The following FCGRT variants were observed in gnomAD, a reference collection of about 807,000 sequenced individuals.
FCGRT encodes Fc gamma receptor and transporter.
In FCGRT, 13 loss-of-function variants were observed where a neutral mutation model predicts 35.7. The ratio of observed to expected loss-of-function variants is 0.36; its 90% CI spans 0.24 to 0.58. The LOEUF (loss-of-function observed/expected upper bound fraction) is 0.58, where lower values mean the gene tolerates loss of function less well. Among genes scored for constraint, FCGRT ranks in the 20% least tolerant of loss-of-function variants. The pLI is 0.77. For missense variants in FCGRT, 455 were observed against 474.9 expected, an observed-to-expected ratio of 0.96 and a Z score of 0.39; for synonymous variants, 233 against 216.5, an observed-to-expected ratio of 1.08 and a Z score of -0.67.
chr19:49,521,969 C>G (rs987873522), intron 4 of FCGRT, among the ~76,000 whole-genome samples: 1 of 151,992 alleles, frequency 6.6e-6, no homozygotes, highest in Non-Finnish European at 1.5e-5. Flanking sequence ...TGCACCCAAC[C>G]TTTTTTCATT....
At chr19:49,522,095 G>A (rs1354138742) in intron 4 of FCGRT, among the ~76,000 whole-genome samples, 2 of 149,502 alleles carry the variant, frequency 1.3e-5, no homozygotes, top group Admixed American at 6.6e-5. Flanking sequence ...TTTTTAGACG[G>A]AGTCTTGCTC....
Position 49,524,632 on chromosome 19 carries a change from G to T in FCGRT, c.727G>T (p.Gly243Cys). Residue 243 changes from glycine (G) to cysteine (C), a missense_variant, in exon 5 of 7, where the codon GGC becomes TGC. This residue lies in a region of FCGRT where 312 missense variants were observed against 296.1 expected (regional missense o/e 1.05). Transcript: ENST00000221466. Reference sequence around the variant, plus strand: ...GTTCCTGCGGAATGGGCTGGCCGCTGGCACCGGCCAGGGTGACTTCGGCCC... The same window carrying T: ...GTTCCTGCGGAATGGGCTGGCCGCTTGCACCGGCCAGGGTGACTTCGGCCC... ...LRFLRNGLAA[G>C]TGQGDFGPNS... is the part of the protein sequence containing the mutation. 6.2e-7 allele frequency: 1 copy of T among 1,609,582 alleles called. No individual in the cohort carries two copies.
intron 2 of FCGRT, 109 bp from the exon 3 acceptor site, chr19:49,513,771 GAA>G: frequency 2.6e-6 from 1 of 381,548 alleles, no homozygotes; most frequent in African/African-American, 3.1e-5. Context: ...CCCTCTCTCT[GAA>G]TCTGTCCCCC....
chr19:49,526,249 C>T lies in FCGRT; in HGVS notation c.*130C>T. ...GCCTAGTTGTCCTCCCTCTGGAGCC[C>T]CGTCCTGTGGTCTGCCTCAGTTTCC... On this transcript the variant is annotated 3_prime_UTR_variant, in exon 7 of 7. Coordinates refer to ENST00000221466, the MANE Select transcript of FCGRT (RefSeq NM_001136019.3). 1 of 656,852 alleles carries T rather than the reference C, an allele frequency of 1.5e-6. No homozygotes were observed. The highest frequency in any genetic ancestry group is 2.7e-6 in the Non-Finnish European group (1 of 369,536). The allele number at this position is 656,852 out of a possible 1,614,324, so 40.7% of individuals were successfully genotyped here.
Position 49,524,773 on chromosome 19 carries a change from C to A in FCGRT, c.868C>A (p.Leu290Met). ...AGLAQPLRVE[L>M]ESPAKSSVLV... The stretch of plus-strand genomic sequence containing the variant: ...GCTGGCGCAGCCCCTCAGGGTGGAG[C>A]TGGGTGAGGTCCCGCCAGGTGGTGA... The change falls in exon 5 of 7, where the codon CTG becomes ATG. Residue 290 changes from leucine (L) to methionine (M), a missense_variant. Physicochemically the swap from Leu to Met is conservative, Grantham distance 15 (BLOSUM62 2). Transcript: ENST00000221466. 6.3e-7 allele frequency: 1 copy of A among 1,599,592 alleles called. No individual in the cohort carries two copies. The highest frequency in any genetic ancestry group is 8.5e-7 in the Non-Finnish European group (1 of 1,179,452).
At chr19:49,515,566 C>T (rs546244827) in intron 4 of FCGRT, among the ~76,000 whole-genome samples, 1 of 152,226 alleles carries the variant, frequency 6.6e-6, no homozygotes, top group Admixed American at 6.5e-5. Flanking sequence ...CAGGAGTGAG[C>T]TACCGCGTCT....
rs1258724816 is a variant in FCGRT, at chr19:49,525,297, G to T, written c.872-160G>T. The T allele has an allele frequency of 6.0e-6, 4 of 671,016 alleles. No homozygotes were observed. The East Asian group carries it at 1.1e-4, about 18-fold the overall frequency. 41.6% of individuals were successfully genotyped at this position (671,016 alleles called of 1,614,324 possible). A position where few individuals can be genotyped will look rare whatever the true frequency, so the allele number is the denominator to read the frequency against. ...GCTGGTTCTTACGTCCAACCTGGGG[G>T]CAGTCTGCCCAGATCGCCTGCCTGG... On this transcript the variant is annotated intron_variant, in intron 5 of 6. Transcript: ENST00000221466.
intron 1 of FCGRT, 100 bp from the exon 2 acceptor site, chr19:49,513,287 G>A (rs974747483): frequency 4.4e-6 from 2 of 458,940 alleles, no homozygotes; most frequent in Non-Finnish European, 7.3e-6. Flanking sequence ...AGCCCGCAGA[G>A]CCCCTCCTCG....
Position 49,526,107 on chromosome 19 carries a change from A to AGCCACCGCC in FCGRT, c.1087_1095dup (p.Ala363_Ala365dup). ...ATTTGAAGGATGTAAATGTGATTCCAGCCACCGCCTGACCATCCGCCATTC... is the reference window on the plus strand; with the variant it reads ...ATTTGAAGGATGTAAATGTGATTCCAGCCACCGCCGCCACCGCCTGACCATCCGCCATTC... On this transcript the variant is annotated inframe_insertion, in exon 7 of 7. Coordinates refer to ENST00000221466, the MANE Select transcript of FCGRT (RefSeq NM_001136019.3). 6.2e-7 allele frequency: 1 copy of AGCCACCGCC among 1,610,662 alleles called. No individual in the cohort carries two copies. Among genetic ancestry groups the AGCCACCGCC allele is most frequent in the Non-Finnish European group, 8.5e-7 (1 of 1,177,078 alleles).
intron 4 of FCGRT, among the ~76,000 whole-genome samples, chr19:49,517,264 G>T (rs1173034256): frequency 1.3e-5 from 2 of 152,158 alleles, no homozygotes; most frequent in Non-Finnish European, 2.9e-5. Context: ...GCCGAGGTGG[G>T]CAGATCACTT....
chr19:49,519,417 G>A (rs2080027383), intron 4 of FCGRT, among the ~76,000 whole-genome samples: 2 of 152,036 alleles, frequency 1.3e-5, no homozygotes, highest in South Asian at 4.1e-4. Context: ...TCATTTTCAG[G>A]TAATTTGAGT....
At position 49,525,991 on chromosome 19, in the gene FCGRT, CCTCT is replaced by C. The variant is rs753765618; in HGVS notation, c.989-9_989-6del. On this transcript the variant is annotated splice_polypyrimidine_tract_variant and intron_variant, in intron 6 of 6. Transcript: ENST00000221466. ...GCCTCAGAGATTCTGATGACCTCTCCCTCTCTCTCTCTCCTCAGCCCCTTGGATC... is the reference window on the plus strand; with the variant it reads ...GCCTCAGAGATTCTGATGACCTCTCCCTCTCTCTCCTCAGCCCCTTGGATC... The C allele has an allele frequency of 7.0e-5, 102 of 1,462,208 alleles. No individual in the cohort carries two copies. The highest frequency in any genetic ancestry group is 1.7e-4 in the Admixed American group (10 of 59,688). The allele number at this position is 1,462,208 out of a possible 1,614,324, so 90.6% of individuals were successfully genotyped here. A position where few individuals can be genotyped will look rare whatever the true frequency, so the allele number is the denominator to read the frequency against.
In FCGRT at chr19:49,524,591, C is replaced by T. The variant is rs759499665; in HGVS notation, c.686C>T (p.Pro229Leu). Residue 229 changes from proline to leucine, a missense_variant, in exon 5 of 7, where the codon CCG becomes CTG. Transcript: ENST00000221466. ...LTCSAFSFYP[P>L]ELQLRFLRNG... ...TGCAGCGCCTTCTCCTTCTACCCTC[C>T]GGAGCTGCAACTTCGGTTCCTGCGG... 6 of 1,612,586 alleles carry T rather than the reference C, an allele frequency of 3.7e-6. No homozygotes were observed. Among genetic ancestry groups the T allele is most frequent in the Middle Eastern group, 1.7e-4 (1 of 6,060 alleles).
Position 49,526,045 on chromosome 19 carries a change from G to T in FCGRT, c.1024G>T (p.Val342Phe). 2.5e-6 allele frequency: 4 copies of T among 1,613,464 alleles called. No homozygotes were observed. Among genetic ancestry groups the T allele is most frequent in the Non-Finnish European group, 3.4e-6 (4 of 1,179,560 alleles). ...CTCCCTTCGTGGAGACGACACCGGG[G>T]TCCTCCTGCCCACCCCAGGGGAGGC... is the stretch of plus-strand genomic sequence containing the variant. The part of the protein sequence containing the change: ...WISLRGDDTG[V>F]LLPTPGEAQD... The change falls in exon 7 of 7, where the codon GTC becomes TTC. Residue 342 changes from valine to phenylalanine, a missense_variant. By Grantham distance (50) the Val-to-Phe change is conservative. This residue lies in a region of FCGRT where 312 missense variants were observed against 296.1 expected (regional missense o/e 1.05). Transcript: ENST00000221466.
chr19:49,520,847 C>T (rs901088679), intron 4 of FCGRT: 1 of 152,266 alleles, frequency 6.6e-6, no homozygotes, highest in Admixed American at 6.5e-5. Flanking sequence ...CTCCATTCCA[C>T]CTGACGGTGC....
At chr19:49,514,535 G>A in intron 4 of FCGRT, 49 bp downstream of exon 4, 1 of 1,485,186 alleles carries the variant, frequency 6.7e-7, no homozygotes, top group Non-Finnish European at 9.0e-7. Context: ...CTCCCGTCAT[G>A]CCCACCTGCC....
At chr19:49,521,548 C>A (rs2080040853) in intron 4 of FCGRT, 1 of 133,002 alleles carries the variant, frequency 7.5e-6, no homozygotes, top group South Asian at 2.3e-4. Context: ...CCAGCCTGGG[C>A]GACAGAGACT....
chr19:49,514,266 G>A lies in FCGRT; in HGVS notation c.381G>A (p.Ser127=). ...LGCELGPDNT[S]VPTAKFALNG... is the part of the protein sequence containing the mutation. Reference sequence around the variant, plus strand: ...GTGAACTGGGCCCTGACAACACCTCGGTGCCCACCGCCAAGTTCGCCCTGA... The same window carrying A: ...GTGAACTGGGCCCTGACAACACCTCAGTGCCCACCGCCAAGTTCGCCCTGA... Residue 127 remains serine (S), a synonymous_variant, in exon 4 of 7, where the codon TCG becomes TCA. Transcript: ENST00000221466. 2 of 1,610,374 alleles carry A rather than the reference G, an allele frequency of 1.2e-6. No individual in the cohort carries two copies. The highest frequency in any genetic ancestry group is 1.3e-5 in the African/African-American group (1 of 75,004).
chr19:49,525,135 G>GC (rs779040235), intron 5 of FCGRT: 13 of 517,852 alleles, frequency 2.5e-5, no homozygotes, highest in Non-Finnish European at 4.4e-5. Context: ...AAGACTGACT[G>GC]CCTGCTGCTT....
Sources: gnomAD v4.1 joint callset for allele counts (sites outside exome capture counted in the v4.1 genomes callset) on GRCh38, gnomAD v4.1.1 for gene constraint, gnomAD v4.1.1 regional missense constraint, MANE v1.5 for transcripts, NCBI Gene and HGNC (gene_info 2026-07-23, HGNC 2026-07-21) for gene names.